Variants in SLC1A3 observed in about 807,000 individuals in gnomAD.
SLC1A3 encodes the protein solute carrier family 1 member 3, also known as excitatory amino acid transporter 1.
In SLC1A3, 21 loss-of-function variants were observed where a neutral mutation model predicts 48.1. That is an observed-to-expected ratio of 0.44 (90% CI 0.31 to 0.63). The LOEUF is 0.63. Among genes scored for constraint, SLC1A3 ranks in the 20% least tolerant of loss-of-function variants. SLC1A3 has a pLI of 0.08. For synonymous variants in SLC1A3, 239 were observed against 251.4 expected, an observed-to-expected ratio of 0.95 and a Z score of 0.47; for missense variants, 546 against 689.0, an observed-to-expected ratio of 0.79 and a Z score of 2.32.
rs1741962650 is a variant in SLC1A3, at chr5:36,670,884, G to A, written c.320-145G>A. 91 of 733,532 alleles carry A rather than the reference G, an allele frequency of 1.2e-4. 2 individuals carry two copies. In the South Asian group the frequency reaches 1.3e-3, roughly 11 times the overall value. The allele number at this position is 733,532 out of a possible 1,614,324, so 45.4% of individuals were successfully genotyped here. A position where few individuals can be genotyped will look rare whatever the true frequency, so the allele number is the denominator to read the frequency against. On this transcript the variant is annotated intron_variant, in intron 3 of 9. Coordinates refer to ENST00000265113, the MANE Select transcript of SLC1A3 (RefSeq NM_004172.5). Reference sequence around the variant, plus strand: ...TTTTCCCTTCACCTTGTGAGATTTGGGGCCAGGTTCTCACAACATGTACGA... The same window carrying A: ...TTTTCCCTTCACCTTGTGAGATTTGAGGCCAGGTTCTCACAACATGTACGA...
chr5:36,599,584 A>C (rs1251451904), intron 1 of SLC1A3, among the ~76,000 whole-genome samples: 1 of 124,518 alleles, frequency 8.0e-6, no homozygotes, highest in Non-Finnish European at 1.6e-5. Flanking sequence ...ATTTTGGCTC[A>C]CTGCAAGCTC....
At chr5:36,667,640 T>C (rs1580017199) in intron 3 of SLC1A3, 1 of 152,318 alleles carries the variant, frequency 6.6e-6, no homozygotes, top group South Asian at 2.1e-4. Flanking sequence ...TGTCATGGAA[T>C]TAAATGACCA....
chr5:36,596,997 TG>T (rs368505651), intron 1 of SLC1A3, among the ~76,000 whole-genome samples: 2 of 152,254 alleles, frequency 1.3e-5, no homozygotes, highest in African/African-American at 4.8e-5. Flanking sequence ...GTGTCACATT[TG>T]GATGTTTGGG....
At chr5:36,615,713 A>G (rs1011140731) in intron 2 of SLC1A3, among the ~76,000 whole-genome samples, 1 of 152,246 alleles carries the variant, frequency 6.6e-6, no homozygotes, top group Admixed American at 6.5e-5. Flanking sequence ...TAGAGGAGGC[A>G]ACCAGAGTTT....
At chr5:36,643,073 G>GGTTTTTCCT (rs1208000152) in intron 3 of SLC1A3, among the ~76,000 whole-genome samples, 1 of 151,956 alleles carries the variant, frequency 6.6e-6, no homozygotes, top group Non-Finnish European at 1.5e-5. Flanking sequence ...TAGATATTTG[G>GGTTTTTCCT]GTTTTTCCTA....
intron 6 of SLC1A3, 26 bp from the exon 7 acceptor site, chr5:36,679,601 A>C: frequency 3.3e-6 from 5 of 1,521,784 alleles, no homozygotes; most frequent in African/African-American, 1.4e-5. Context: ...CCAGACTCCA[A>C]CCGTGCTGGT....
chr5:36,636,344 T>C (rs2111784123), intron 3 of SLC1A3: 1 of 152,184 alleles, frequency 6.6e-6, no homozygotes, highest in Admixed American at 6.5e-5. Flanking sequence ...AGGAACAACT[T>C]AGGGAAGGAA....
intron 5 of SLC1A3, 72 bp from the exon 6 acceptor site, chr5:36,676,820 T>C: frequency 8.3e-7 from 1 of 1,197,920 alleles, no homozygotes; most frequent in Non-Finnish European, 1.2e-6. Flanking sequence ...TTTTAGAAAA[T>C]TTGACAATAG....
intron 3 of SLC1A3, among the ~76,000 whole-genome samples, chr5:36,645,155 T>C (rs3776571): frequency 0.095 from 14,495 of 152,100 alleles, 794 homozygotes; most frequent in East Asian, 0.23. Flanking sequence ...AAGTTAGTTA[T>C]TTTTAATTCA....
intron 2 of SLC1A3, among the ~76,000 whole-genome samples, chr5:36,613,889 A>G (rs1440296063): frequency 3.3e-5 from 5 of 151,868 alleles, no homozygotes; most frequent in Non-Finnish European, 7.4e-5. Flanking sequence ...CCCCTGGGGG[A>G]AAAAAAATAC....
At chr5:36,644,529 C>T (rs1456275450) in intron 3 of SLC1A3, among the ~76,000 whole-genome samples, 1 of 152,150 alleles carries the variant, frequency 6.6e-6, no homozygotes, top group Non-Finnish European at 1.5e-5. Context: ...ATATGCTTAA[C>T]ACTATTGAAC....
intron 3 of SLC1A3, among the ~76,000 whole-genome samples, chr5:36,631,494 T>C (rs1029893269): frequency 2.0e-5 from 3 of 152,090 alleles, no homozygotes; most frequent in African/African-American, 7.2e-5. Context: ...CTTGGAAAAA[T>C]TGTTAACATT....
At chr5:36,607,353 T>C (rs1312910613) in intron 1 of SLC1A3, 1 of 152,204 alleles carries the variant, frequency 6.6e-6, no homozygotes, top group Non-Finnish European at 1.5e-5. Context: ...GGAAGGGCTA[T>C]GGATTAGAGC....
At chr5:36,636,480 TTTC>T (rs1740374502) in intron 3 of SLC1A3, 2 of 132,380 alleles carry the variant, frequency 1.5e-5, no homozygotes, top group South Asian at 2.2e-4. Flanking sequence ...TCTTTCTTTC[TTTC>T]TTTCTTTCTT....
intron 5 of SLC1A3, 86 bp downstream of exon 5, chr5:36,674,177 T>A (rs1428237543): frequency 2.8e-6 from 3 of 1,060,688 alleles, no homozygotes; most frequent in Non-Finnish European, 4.4e-6. Context: ...CCTGCTCATT[T>A]CTCTGCTATA....
At chr5:36,670,329 G>A (rs927707147) in intron 3 of SLC1A3, among the ~76,000 whole-genome samples, 1 of 152,156 alleles carries the variant, frequency 6.6e-6, no homozygotes, top group Non-Finnish European at 1.5e-5. Context: ...GAGGAAGACA[G>A]GGTACAAGAA....
intron 1 of SLC1A3, among the ~76,000 whole-genome samples, chr5:36,597,524 G>A (rs946188147): frequency 1.3e-5 from 2 of 152,030 alleles, no homozygotes; most frequent in African/African-American, 4.8e-5. Flanking sequence ...TTACAGGCGT[G>A]AGCCACCGCG....
In SLC1A3 at chr5:36,671,025, C is replaced by A. The variant is rs760934282; in HGVS notation, c.320-4C>A. The A allele has an allele frequency of 2.5e-6, 4 of 1,613,690 alleles. No individual in the cohort carries two copies. Among genetic ancestry groups the A allele is most frequent in the Non-Finnish European group, 3.4e-6 (4 of 1,179,650 alleles). On this transcript the variant is annotated splice_polypyrimidine_tract_variant and splice_region_variant and intron_variant, in intron 3 of 9. Coordinates refer to ENST00000265113, the MANE Select transcript of SLC1A3 (RefSeq NM_004172.5). Reference sequence around the variant, plus strand: ...CCTGAAAATCTTCTGTTTGCCTCCACCAGGAATGGCGGCGCTAGATAGTAA... The same window carrying A: ...CCTGAAAATCTTCTGTTTGCCTCCAACAGGAATGGCGGCGCTAGATAGTAA...
chr5:36,619,105 G>A (rs774412374), intron 2 of SLC1A3, among the ~76,000 whole-genome samples: 3 of 152,102 alleles, frequency 2.0e-5, no homozygotes, highest in Non-Finnish European at 4.4e-5. Flanking sequence ...AACAAGGCTG[G>A]GGCAGGTATT....
Sources: allele counts gnomAD v4.1 joint callset (sites outside exome capture counted in the v4.1 genomes callset), GRCh38; gene constraint gnomAD v4.1.1; transcripts MANE v1.5; gene names NCBI Gene and HGNC (gene_info 2026-07-23, HGNC 2026-07-21).